QTMAN: variants seen among roughly 807,000 people sequenced by gnomAD.
The protein encoded by QTMAN is tRNA-queuosine alpha-mannosyltransferase.
chr2:144,095,543 T>C, the QTMAN span, among the ~76,000 whole-genome samples: 2,098 of 152,248 alleles, frequency 0.014, 49 homozygotes, highest in African/African-American at 0.048. Context: ...ATCATTTTAA[T>C]CCTTGTCATA....
At chr2:144,255,229 T>C in the QTMAN span, among the ~76,000 whole-genome samples, 1 of 152,208 alleles carries the variant, frequency 6.6e-6, no homozygotes, top group Admixed American at 6.5e-5. Context: ...AAATCTCATC[T>C]TGAATTGTAG....
the QTMAN span, among the ~76,000 whole-genome samples, chr2:144,325,714 C>G: frequency 6.7e-6 from 1 of 149,576 alleles, no homozygotes; most frequent in Admixed American, 6.6e-5. Context: ...AAAATTACCA[C>G]CCCCTCGCCT....
At chr2:144,239,206 A>G in the QTMAN span, among the ~76,000 whole-genome samples, 1 of 152,274 alleles carries the variant, frequency 6.6e-6, no homozygotes, top group Admixed American at 6.5e-5. Flanking sequence ...AGTGGATGCT[A>G]CAAGCTATCA....
chr2:143,975,743 T>C, the QTMAN span, among the ~76,000 whole-genome samples: 4 of 152,198 alleles, frequency 2.6e-5, no homozygotes, highest in African/African-American at 4.8e-5. Flanking sequence ...AGAGGATTAA[T>C]TTTAAAGAGT....
the QTMAN span, among the ~76,000 whole-genome samples, chr2:144,125,044 T>C: frequency 6.6e-6 from 1 of 151,992 alleles, no homozygotes. Flanking sequence ...AGCTAGAAAA[T>C]ATAGCACAGG....
chr2:144,064,098 T>C, the QTMAN span, among the ~76,000 whole-genome samples: 17 of 152,254 alleles, frequency 1.1e-4, no homozygotes, highest in East Asian at 2.5e-3. Context: ...TGATTTTTCA[T>C]TGAAGCATAA....
At chr2:144,206,739 G>A in the QTMAN span, among the ~76,000 whole-genome samples, 1 of 152,076 alleles carries the variant, frequency 6.6e-6, no homozygotes, top group East Asian at 1.9e-4. Flanking sequence ...AATGCTTCAG[G>A]CTTCAAAGAG....
At chr2:144,148,625 T>TAC in the QTMAN span, among the ~76,000 whole-genome samples, 1 of 151,852 alleles carries the variant, frequency 6.6e-6, no homozygotes, top group East Asian at 1.9e-4. Context: ...GTGGACTATC[T>TAC]ATAGCTAATG....
chr2:143,984,982 G>A, the QTMAN span, among the ~76,000 whole-genome samples: 3 of 152,204 alleles, frequency 2.0e-5, no homozygotes, highest in Non-Finnish European at 4.4e-5. Flanking sequence ...GTAAAAGGCT[G>A]TCACCCTGAC....
chr2:144,314,995 T>C, the QTMAN span, among the ~76,000 whole-genome samples: 11 of 152,108 alleles, frequency 7.2e-5, no homozygotes, highest in Non-Finnish European at 1.3e-4. Flanking sequence ...AAGCGATCCT[T>C]GTGCCTCAGC....
chr2:144,069,784 C>T, the QTMAN span, among the ~76,000 whole-genome samples: 5 of 151,956 alleles, frequency 3.3e-5, no homozygotes, highest in South Asian at 1.0e-3. Flanking sequence ...AGCAACACAG[C>T]ATTAATCATT....
chr2:144,301,623 G>A, the QTMAN span, among the ~76,000 whole-genome samples: 2 of 152,188 alleles, frequency 1.3e-5, no homozygotes, highest in African/African-American at 4.8e-5. Flanking sequence ...TGAATTCACA[G>A]AAGAAACTGA....
At chr2:143,965,209 G>A in the QTMAN span, among the ~76,000 whole-genome samples, 2 of 152,008 alleles carry the variant, frequency 1.3e-5, no homozygotes, top group Admixed American at 6.6e-5. Context: ...GTAGCAGAAT[G>A]ACCTTTCCAA....
the QTMAN span, among the ~76,000 whole-genome samples, chr2:144,295,515 T>C: frequency 4.6e-5 from 7 of 152,318 alleles, no homozygotes; most frequent in African/African-American, 1.7e-4. Context: ...TGCCAAAAGA[T>C]AGTCAACCTA....
the QTMAN span, among the ~76,000 whole-genome samples, chr2:144,329,776 C>A: frequency 6.6e-6 from 1 of 152,148 alleles, no homozygotes; most frequent in Non-Finnish European, 1.5e-5. Flanking sequence ...AAAAAAGGAA[C>A]TGAGTTAGTT....
chr2:143,956,316 G>A, the QTMAN span, among the ~76,000 whole-genome samples: 1 of 152,128 alleles, frequency 6.6e-6, no homozygotes, highest in African/African-American at 2.4e-5. Flanking sequence ...AAAGGGTATA[G>A]AGTAAGTCAA....
At chr2:144,286,842 G>T in the QTMAN span, among the ~76,000 whole-genome samples, 2 of 152,310 alleles carry the variant, frequency 1.3e-5, no homozygotes, top group East Asian at 3.9e-4. Flanking sequence ...TTGTCCACTG[G>T]TTTAGGCCAG....
chr2:144,187,153 T>C, the QTMAN span, among the ~76,000 whole-genome samples: 1 of 152,224 alleles, frequency 6.6e-6, no homozygotes, highest in East Asian at 1.9e-4. Context: ...TGTGGTTGTC[T>C]TGTCTGTTTT....
chr2:144,074,255 G>C, the QTMAN span, among the ~76,000 whole-genome samples: 7 of 152,070 alleles, frequency 4.6e-5, no homozygotes, highest in African/African-American at 1.7e-4. Context: ...TTTTAATTTT[G>C]GCTACAGATA....
Sources: allele counts gnomAD v4.1 joint callset (sites outside exome capture counted in the v4.1 genomes callset), GRCh38; gene constraint gnomAD v4.1.1; transcripts MANE v1.5; gene names NCBI Gene and HGNC (gene_info 2026-07-23, HGNC 2026-07-21).